Variants in BICD1 observed in about 807,000 individuals in gnomAD.
BICD1 encodes BICD cargo adaptor 1, also known as protein bicaudal D homolog 1.
In BICD1, 35 loss-of-function variants were observed where a neutral mutation model predicts 92.5. That is an observed-to-expected ratio of 0.38 (90% CI 0.29 to 0.50). BICD1 has a LOEUF of 0.50. Among genes scored for constraint, BICD1 ranks in the 20% least tolerant of loss-of-function variants. BICD1 has a pLI of 0.93. For synonymous variants in BICD1, 429 were observed against 465.1 expected (o/e 0.92, Z 1.00); for missense variants, 950 against 1,189.8 (o/e 0.80, Z 2.97).
At chr12:32,375,074 A>G (rs562378815) in intron 9 of BICD1, among the ~76,000 whole-genome samples, 18 of 148,542 alleles carry the variant, frequency 1.2e-4, no homozygotes, top group African/African-American at 4.2e-4. Context: ...GCCCGCCACC[A>G]CGCCCAGCTA....
chr12:32,334,870 T>C (rs981366852), intron 6 of BICD1, among the ~76,000 whole-genome samples: 6 of 152,206 alleles, frequency 3.9e-5, no homozygotes, highest in African/African-American at 1.4e-4. Flanking sequence ...CTGAACACTC[T>C]GGATCCAGAA....
At chr12:32,312,949 G>T (rs968343477) in intron 4 of BICD1, among the ~76,000 whole-genome samples, 1 of 152,202 alleles carries the variant, frequency 6.6e-6, no homozygotes, top group South Asian at 2.1e-4. Flanking sequence ...ACCTTAATTA[G>T]TTTTATTAGA....
At chr12:32,275,327 C>T (rs943826591) in intron 2 of BICD1, among the ~76,000 whole-genome samples, 1 of 152,082 alleles carries the variant, frequency 6.6e-6, no homozygotes, top group African/African-American at 2.4e-5. Context: ...AGATAAGATA[C>T]TAGGAACAGT....
chr12:32,305,115 A>G (rs1388734492), intron 3 of BICD1, among the ~76,000 whole-genome samples: 1 of 152,216 alleles, frequency 6.6e-6, no homozygotes, highest in Non-Finnish European at 1.5e-5. Context: ...GATTCTGTCT[A>G]TCCTTTAAGC....
intron 9 of BICD1, among the ~76,000 whole-genome samples, chr12:32,371,633 G>A (rs1345879294): frequency 3.9e-5 from 6 of 152,096 alleles, no homozygotes; most frequent in Non-Finnish European, 8.8e-5. Flanking sequence ...TGTTGCCCAG[G>A]CTGGAGTGCA....
chr12:32,296,845 C>T (rs1231701562), intron 3 of BICD1, among the ~76,000 whole-genome samples: 3 of 152,266 alleles, frequency 2.0e-5, no homozygotes, highest in African/African-American at 7.2e-5. Context: ...ACCCAGATGC[C>T]GGTTCTGGGA....
chr12:32,294,645 A>AT (rs1947815359), intron 3 of BICD1, among the ~76,000 whole-genome samples: 3 of 146,310 alleles, frequency 2.1e-5, no homozygotes, highest in Non-Finnish European at 3.0e-5. Context: ...AAAAAAAAAA[A>AT]GCCTGGGTCT....
At chr12:32,142,069 A>G (rs1942939084) in intron 1 of BICD1, among the ~76,000 whole-genome samples, 1 of 152,126 alleles carries the variant, frequency 6.6e-6, no homozygotes, top group South Asian at 2.1e-4. Flanking sequence ...TAGGGAGGGA[A>G]AAGAGGGATT....
intron 3 of BICD1, among the ~76,000 whole-genome samples, chr12:32,300,511 T>C (rs1465041957): frequency 2.0e-5 from 3 of 152,016 alleles, no homozygotes; most frequent in Non-Finnish European, 4.4e-5. Context: ...AATATAAGCT[T>C]ATCACATAAT....
chr12:32,171,262 C>T (rs140759979), intron 1 of BICD1, among the ~76,000 whole-genome samples: 4 of 152,342 alleles, frequency 2.6e-5, no homozygotes, highest in Admixed American at 6.5e-5. Context: ...TGTCCCATGC[C>T]CTTTTCCCTC....
intron 1 of BICD1, among the ~76,000 whole-genome samples, chr12:32,110,852 G>T: frequency 8.3e-6 from 1 of 120,914 alleles, no homozygotes; most frequent in African/African-American, 3.1e-5. Context: ...TGGGGGGAGG[G>T]GGGATGGATA....
intron 1 of BICD1, among the ~76,000 whole-genome samples, chr12:32,176,235 A>G (rs1151026): frequency 0.15 from 22,327 of 152,120 alleles, 1,918 homozygotes; most frequent in East Asian, 0.21. Flanking sequence ...ATTTCTTTTC[A>G]GTAGGTACCT....
At chr12:32,177,369 T>TG (rs1944124326) in intron 1 of BICD1, among the ~76,000 whole-genome samples, 1 of 151,268 alleles carries the variant, frequency 6.6e-6, no homozygotes, top group African/African-American at 2.4e-5. Flanking sequence ...TTTTCTAAAT[T>TG]ATTATACAAT....
intron 2 of BICD1, among the ~76,000 whole-genome samples, chr12:32,284,715 G>C (rs770300837): frequency 6.6e-6 from 1 of 152,116 alleles, no homozygotes; most frequent in Non-Finnish European, 1.5e-5. Flanking sequence ...GTTAAACAAA[G>C]GAATTTCTAC....
intron 1 of BICD1, among the ~76,000 whole-genome samples, chr12:32,126,794 A>G (rs1159491895): frequency 6.6e-6 from 1 of 152,100 alleles, no homozygotes; most frequent in African/African-American, 2.4e-5. Context: ...AGAAATTAAA[A>G]TTGTAAAAAT....
intron 2 of BICD1, among the ~76,000 whole-genome samples, chr12:32,285,943 T>C (rs760531581): frequency 2.0e-5 from 3 of 152,224 alleles, no homozygotes; most frequent in Non-Finnish European, 2.9e-5. Flanking sequence ...GCCCCTAGAA[T>C]ATAATCGCTG....
chr12:32,288,711 C>T lies in BICD1; in HGVS notation c.427-5283C>T, dbSNP rs545950692. ...CGAAATCCTGTCTCTAGTAAAAATA[C>T]AAAAATTAGCCAGGTGTGGTAGCAG... On this transcript the variant is annotated intron_variant, in intron 2 of 9. Coordinates refer to ENST00000652176, the MANE Select transcript of BICD1 (RefSeq NM_001714.4). Among the ~76,000 whole-genome samples, 673 of 152,006 alleles carry T rather than the reference C, an allele frequency of 4.4e-3. 2 individuals carry two copies. Among genetic ancestry groups the T allele is most frequent in the Middle Eastern group, 0.01 (3 of 294 alleles).
chr12:32,156,071 TCTC>T (rs1431378047), intron 1 of BICD1, among the ~76,000 whole-genome samples: 2 of 152,192 alleles, frequency 1.3e-5, no homozygotes, highest in African/African-American at 4.8e-5. Context: ...AGATAAGTAT[TCTC>T]CTGAGGTATT....
chr12:32,320,919 C>G (rs1225572989), intron 4 of BICD1, among the ~76,000 whole-genome samples: 1 of 152,196 alleles, frequency 6.6e-6, no homozygotes, highest in Admixed American at 6.5e-5. Flanking sequence ...AACTCCTCAA[C>G]TCTCTGTTGG....
Sources: allele counts gnomAD v4.1 joint callset (sites outside exome capture counted in the v4.1 genomes callset), GRCh38; gene constraint gnomAD v4.1.1; transcripts MANE v1.5; gene names NCBI Gene and HGNC (gene_info 2026-07-23, HGNC 2026-07-21).